Variants in CYREN observed in about 807,000 individuals in gnomAD.
The protein encoded by CYREN is cell cycle regulator of non-homologous end joining.
A neutral mutation model predicts 9.7 loss-of-function variants in CYREN; 7 were observed. The observed-to-expected ratio is 0.72, with a 90% confidence interval of 0.41 to 1.36. The LOEUF (loss-of-function observed/expected upper bound fraction) is 1.36, where lower values mean the gene tolerates loss of function less well. Ranked by LOEUF, CYREN falls within the 40% of genes most tolerant of loss-of-function variation. The pLI is 0.01. For synonymous variants in CYREN, 76 were observed against 77.9 expected (o/e 0.98, Z 0.13); for missense variants, 215 against 198.1 (o/e 1.09, Z -0.51).
intron 2 of CYREN, among the ~76,000 whole-genome samples, chr7:135,121,817 C>T (rs1271374035): frequency 6.6e-6 from 1 of 152,156 alleles, no homozygotes; most frequent in Non-Finnish European, 1.5e-5. Context: ...GAGAGCACCC[C>T]CCTATATCCC....
intron 2 of CYREN, chr7:135,147,894 T>C: frequency 2.2e-6 from 1 of 456,124 alleles, no homozygotes; most frequent in Non-Finnish European, 4.4e-6. Context: ...GACATTTACC[T>C]GGCTCTTTAA....
chr7:135,121,736 G>A (rs1047698975), intron 2 of CYREN, among the ~76,000 whole-genome samples: 1 of 152,158 alleles, frequency 6.6e-6, no homozygotes, highest in Non-Finnish European at 1.5e-5. Flanking sequence ...AACTGACTAG[G>A]AGGCTGGTGT....
chr7:135,154,347 T>G (rs1350652035), intron 2 of CYREN, among the ~76,000 whole-genome samples: 4 of 152,208 alleles, frequency 2.6e-5, no homozygotes, highest in African/African-American at 9.6e-5. Flanking sequence ...AAATTTTTTG[T>G]CCCTGTTTCA....
At chr7:135,110,700 A>AT (rs1387875191) in intron 2 of CYREN, among the ~76,000 whole-genome samples, 1 of 152,096 alleles carries the variant, frequency 6.6e-6, no homozygotes, top group East Asian at 1.9e-4. Context: ...GTACCTGGAT[A>AT]TTTCAGTTGA....
intron 1 of CYREN, chr7:135,170,360 T>G (rs1052655277): frequency 2.0e-5 from 3 of 152,304 alleles, no homozygotes; most frequent in Middle Eastern, 3.4e-3. Context: ...CAGCCCGCCC[T>G]CCCTCTGCGG....
At chr7:135,159,744 A>G (rs1398765184) in intron 2 of CYREN, among the ~76,000 whole-genome samples, 1 of 152,266 alleles carries the variant, frequency 6.6e-6, no homozygotes, top group Non-Finnish European at 1.5e-5. Context: ...TAAAATAGCA[A>G]AAGAACTGAC....
chr7:135,124,563 A>G (rs1827595922), intron 2 of CYREN, among the ~76,000 whole-genome samples: 2 of 152,264 alleles, frequency 1.3e-5, no homozygotes, highest in Admixed American at 6.5e-5. Context: ...AGACATCTAC[A>G]GAAATCTCCA....
chr7:135,150,630 C>T (rs1362176889), intron 2 of CYREN, among the ~76,000 whole-genome samples: 1 of 152,200 alleles, frequency 6.6e-6, no homozygotes, highest in Non-Finnish European at 1.5e-5. Context: ...CAAAGGCAGT[C>T]ACCAGTTTCT....
upstream of CYREN, among the ~76,000 whole-genome samples, chr7:135,172,013 A>G (rs1322938358): frequency 1.3e-5 from 2 of 152,222 alleles, no homozygotes; most frequent in Non-Finnish European, 2.9e-5. Context: ...ATGTGAGTGG[A>G]AGCATGGCCT....
downstream of CYREN, among the ~76,000 whole-genome samples, chr7:135,163,573 A>C (rs184036747): frequency 5.3e-5 from 8 of 152,310 alleles, no homozygotes; most frequent in Admixed American, 2.0e-4. Context: ...TGACCCCGGG[A>C]GGCAGAGATT....
At position 135,169,134 on chromosome 7, in the gene CYREN, C is replaced by A. The variant is rs551154364; in HGVS notation, c.-138-74G>T. 2.5e-5 allele frequency: 13 copies of A among 519,780 alleles called. No homozygotes were observed. In the South Asian group the frequency reaches 2.7e-4, roughly 11 times the overall value. The allele number at this position is 519,780 out of a possible 1,614,324, so 32.2% of individuals were successfully genotyped here. On this transcript the variant is annotated intron_variant, in intron 1 of 3. Coordinates refer to ENST00000393114, the MANE Select transcript of CYREN (RefSeq NM_024033.4). ...GGCACAGTTACTGGTCGGTGCAGGGCAGGCCAGAAGTGACCAAGGCCCAAG... is the reference window on the plus strand; with the variant it reads ...GGCACAGTTACTGGTCGGTGCAGGGAAGGCCAGAAGTGACCAAGGCCCAAG...
chr7:135,120,740 G>C (rs1827022985), intron 2 of CYREN, among the ~76,000 whole-genome samples: 2 of 152,202 alleles, frequency 1.3e-5, no homozygotes. Flanking sequence ...AAAGTAAAAG[G>C]ATGGAAGAAG....
upstream of CYREN, among the ~76,000 whole-genome samples, chr7:135,172,447 G>C (rs549387198): frequency 7.2e-6 from 1 of 139,674 alleles, no homozygotes; most frequent in Non-Finnish European, 1.5e-5. Context: ...GGTATGTGTG[G>C]TGTGAGCGTG....
chr7:135,165,171 G>A, downstream of CYREN: 3 of 682,234 alleles, frequency 4.4e-6, no homozygotes, highest in Non-Finnish European at 7.3e-6. Context: ...GGCAGCCAGG[G>A]CACCTGTGAC....
At chr7:135,164,532 G>C (rs145147219), downstream of CYREN, 6 of 1,614,150 alleles carry the variant, frequency 3.7e-6, no homozygotes, top group East Asian at 1.3e-4. Context: ...GATGTTTTAC[G>C]CTCTTCTCTG....
intron 2 of CYREN, among the ~76,000 whole-genome samples, chr7:135,098,862 A>T (rs1823327804): frequency 6.6e-6 from 1 of 152,210 alleles, no homozygotes; most frequent in Non-Finnish European, 1.5e-5. Flanking sequence ...GGTCTTATCT[A>T]TAACCTAAGA....
At position 135,167,898 on chromosome 7, in the gene CYREN, G is replaced by A. The variant is rs749926641; in HGVS notation, c.138-91C>T. 5.0e-6 allele frequency: 8 copies of A among 1,587,206 alleles called. No individual in the cohort carries two copies. The South Asian group carries it at 7.9e-5, about 16-fold the overall frequency. On this transcript the variant is annotated intron_variant, in intron 2 of 3. Transcript: ENST00000393114. ...AGGAGAAGCAGGGCCTCTTCCCCCT[G>A]CCTTCCTACCACGCAGGAGGTACCA...
At chr7:135,107,557 T>C (rs1038260412) in intron 2 of CYREN, among the ~76,000 whole-genome samples, 1 of 152,226 alleles carries the variant, frequency 6.6e-6, no homozygotes, top group South Asian at 2.1e-4. Context: ...ATTTCTATTT[T>C]TATTGTGCTG....
exon 3 of CYREN, chr7:135,093,748 A>C (rs1210541311): frequency 2.0e-5 from 3 of 152,202 alleles, no homozygotes; most frequent in African/African-American, 7.2e-5. Context: ...AGAAACTAAC[A>C]AACCAAATCT....
Sources: gnomAD v4.1 joint callset for allele counts (sites outside exome capture counted in the v4.1 genomes callset) on GRCh38, gnomAD v4.1.1 for gene constraint, MANE v1.5 for transcripts, NCBI Gene and HGNC (gene_info 2026-07-23, HGNC 2026-07-21) for gene names.